Variants in CDH22 observed in about 807,000 individuals in gnomAD.
The protein encoded by CDH22 is cadherin-22.
Under a neutral mutation model 58.4 loss-of-function variants are expected in CDH22, and 30 were observed. The ratio of observed to expected loss-of-function variants is 0.51; its 90% CI spans 0.38 to 0.70. The LOEUF (loss-of-function observed/expected upper bound fraction) is 0.70. Among genes scored for constraint, CDH22 ranks in the 30% least tolerant of loss-of-function variants. The pLI is 0.00. For missense variants in CDH22, 1,014 were observed against 1,233.9 expected, an observed-to-expected ratio of 0.82 and a Z score of 2.67; for synonymous variants, 513 against 558.2, an observed-to-expected ratio of 0.92 and a Z score of 1.14.
In CDH22 at chr20:46,300,705, C is replaced by A. The variant is rs911953676; in HGVS notation, c.-400+7550G>T. ...CCAGCATCCTTCCCTTCCCCAGGGA[C>A]CCCCCAGTCCCCTCTTCGCTGGCCC... On this transcript the variant is annotated intron_variant, in intron 1 of 11. Transcript: ENST00000537909. The surrounding 1 kb of genome is among the most constrained non-coding windows in gnomAD (Gnocchi z 4.4). Among the ~76,000 whole-genome samples the A allele has an allele frequency of 6.6e-6, 1 of 152,212 alleles. No individual in the cohort carries two copies. Among genetic ancestry groups the A allele is most frequent in the Non-Finnish European group, 1.5e-5 (1 of 68,042 alleles).
At chr20:46,187,412 G>C (rs1402717603) in intron 8 of CDH22, among the ~76,000 whole-genome samples, 3 of 151,408 alleles carry the variant, frequency 2.0e-5, no homozygotes, top group Non-Finnish European at 2.9e-5. Flanking sequence ...TCCTTATACT[G>C]TTACCATCAC....
At chr20:46,223,225 C>T (rs182026697) in intron 4 of CDH22, among the ~76,000 whole-genome samples, 326 of 152,292 alleles carry the variant, frequency 2.1e-3, no homozygotes, top group Non-Finnish European at 3.0e-3. Context: ...TCTTCTGGGC[C>T]CTCTGCTGCG....
intron 1 of CDH22, among the ~76,000 whole-genome samples, chr20:46,305,508 G>A (rs975317717): frequency 6.6e-6 from 1 of 152,200 alleles, no homozygotes; most frequent in Admixed American, 6.5e-5. Flanking sequence ...CTATGGGGAG[G>A]AATGAGGAAG....
At chr20:46,263,267 C>G (rs979717846) in intron 1 of CDH22, among the ~76,000 whole-genome samples, 2 of 152,130 alleles carry the variant, frequency 1.3e-5, no homozygotes, top group Non-Finnish European at 2.9e-5. Context: ...TACTGCTGTA[C>G]CCCATCCCTC....
chr20:46,276,910 G>C (rs2145762968), intron 1 of CDH22, among the ~76,000 whole-genome samples: 1 of 152,364 alleles, frequency 6.6e-6, no homozygotes, highest in Middle Eastern at 3.4e-3. Flanking sequence ...AGAAATCAAA[G>C]CTGGCAAGAA....
rs6032728 is a variant in CDH22, at chr20:46,239,735, C to T, written c.550+1228G>A. On this transcript the variant is annotated intron_variant, in intron 3 of 11. Coordinates refer to ENST00000537909, the MANE Select transcript of CDH22 (RefSeq NM_021248.3). ...CTGGCTTGCAGATTACTTGGAGTAA[C>T]GTGGTAGGAAGGAGATGGCAGCTAT... 4.0e-3 allele frequency among the ~76,000 whole-genome samples: 604 copies of T among 152,308 alleles called. 4 individuals carry two copies. Among genetic ancestry groups the T allele is most frequent in the African/African-American group, 0.014 (579 of 41,576 alleles).
intron 1 of CDH22, among the ~76,000 whole-genome samples, chr20:46,287,158 T>C (rs950218725): frequency 6.6e-6 from 1 of 152,138 alleles, no homozygotes; most frequent in African/African-American, 2.4e-5. Context: ...TAACCTTGCA[T>C]GAATAACCTC....
chr20:46,283,204 C>A (rs1011379926), intron 1 of CDH22, among the ~76,000 whole-genome samples: 1 of 152,158 alleles, frequency 6.6e-6, no homozygotes, highest in Non-Finnish European at 1.5e-5. Context: ...GGTGCAAGCT[C>A]GAGTTGGGGT....
chr20:46,176,847 T>A (rs937521368), intron 11 of CDH22, among the ~76,000 whole-genome samples: 1 of 152,196 alleles, frequency 6.6e-6, no homozygotes, highest in Non-Finnish European at 1.5e-5. Context: ...GGTTTGCGGG[T>A]GGCGGGCGAC....
At chr20:46,222,028 A>G (rs1481652084) in intron 4 of CDH22, among the ~76,000 whole-genome samples, 2 of 152,036 alleles carry the variant, frequency 1.3e-5, no homozygotes, top group African/African-American at 4.8e-5. Context: ...CACCATTTAC[A>G]TGCTAGCTGA....
intron 10 of CDH22, among the ~76,000 whole-genome samples, chr20:46,181,738 TC>T (rs1405964568): frequency 3.7e-5 from 3 of 81,878 alleles, no homozygotes; most frequent in Non-Finnish European, 5.2e-5. Context: ...CTTCCTTCCT[TC>T]CTTCCTTCCT....
At chr20:46,191,338 T>C (rs73312771) in intron 8 of CDH22, among the ~76,000 whole-genome samples, 1 of 152,142 alleles carries the variant, frequency 6.6e-6, no homozygotes, top group African/African-American at 2.4e-5. Context: ...ATGTGGATAA[T>C]GAGACTCTGG....
chr20:46,175,082 G>A lies in CDH22; in HGVS notation c.1916-5C>T, dbSNP rs940126159. 3.8e-6 allele frequency: 6 copies of A among 1,575,972 alleles called. No homozygotes were observed. Among genetic ancestry groups the A allele is most frequent in the Non-Finnish European group, 5.2e-6 (6 of 1,165,002 alleles). On this transcript the variant is annotated splice_region_variant and splice_polypyrimidine_tract_variant and intron_variant, in intron 11 of 11. Coordinates refer to ENST00000537909, the MANE Select transcript of CDH22 (RefSeq NM_021248.3). ...TGAGGATCAGCAGCACCAGCACTGC[G>A]AGGGGGACAGAGGGGGCAACTGAGG...
intron 2 of CDH22, among the ~76,000 whole-genome samples, chr20:46,246,142 AG>A (rs1260492730): frequency 1.3e-5 from 2 of 152,260 alleles, no homozygotes; most frequent in Admixed American, 6.5e-5. Context: ...ATGTGAGCAT[AG>A]GTACGTTTTC....
intron 3 of CDH22, among the ~76,000 whole-genome samples, chr20:46,237,959 A>G (rs563125096): frequency 4.1e-4 from 62 of 152,244 alleles, no homozygotes; most frequent in Non-Finnish European, 7.5e-4. Context: ...TGCTACCATT[A>G]GTCCTGCCAC....
intron 4 of CDH22, among the ~76,000 whole-genome samples, chr20:46,226,270 TC>T (rs1568665303): frequency 0.085 from 852 of 10,048 alleles, 50 homozygotes; most frequent in Admixed American, 0.2. Context: ...TTCTTCTTCT[TC>T]TTCTTCTTCT....
intron 6 of CDH22, among the ~76,000 whole-genome samples, chr20:46,212,155 C>A (rs981830264): frequency 6.6e-6 from 1 of 152,132 alleles, no homozygotes; most frequent in African/African-American, 2.4e-5. Context: ...CTGTTGAGGG[C>A]AGATGTTGGA....
At chr20:46,302,384 T>C (rs555374775) in intron 1 of CDH22, among the ~76,000 whole-genome samples, 243 of 152,148 alleles carry the variant, frequency 1.6e-3, no homozygotes, top group Non-Finnish European at 2.8e-3. Flanking sequence ...CAGCCAAAAA[T>C]GTCTCGAGAC....
At chr20:46,270,254 A>G (rs1424856868) in intron 1 of CDH22, among the ~76,000 whole-genome samples, 2 of 152,086 alleles carry the variant, frequency 1.3e-5, no homozygotes, top group Admixed American at 1.3e-4. Context: ...CTGGGAACAG[A>G]TGGGGAAGGA....
Sources: gnomAD v4.1 joint callset for allele counts (sites outside exome capture counted in the v4.1 genomes callset) on GRCh38, gnomAD v4.1.1 for gene constraint, Gnocchi (gnomAD v3.1) non-coding constraint, MANE v1.5 for transcripts, NCBI Gene and HGNC (gene_info 2026-07-23, HGNC 2026-07-21) for gene names.